Variants in IFNAR2 observed in about 807,000 individuals in gnomAD.
IFNAR2 encodes the protein interferon alpha/beta receptor 2.
In IFNAR2, 30 loss-of-function variants were observed where a neutral mutation model predicts 49.4. That is an observed-to-expected ratio of 0.61 (90% CI 0.45 to 0.82). IFNAR2 has a LOEUF of 0.82. IFNAR2 is among the 40% of genes least tolerant of loss of function. The pLI, the probability that IFNAR2 is intolerant of heterozygous loss-of-function variation, is 0.00. For missense variants in IFNAR2, 600 were observed against 622.7 expected, an observed-to-expected ratio of 0.96 and a Z score of 0.39; for synonymous variants, 224 against 234.5, an observed-to-expected ratio of 0.96 and a Z score of 0.41.
At chr21:33,248,091 A>T (rs1266231648) in intron 5 of IFNAR2, among the ~76,000 whole-genome samples, 2 of 152,362 alleles carry the variant, frequency 1.3e-5, no homozygotes, top group East Asian at 3.9e-4. Flanking sequence ...ATAAATATCC[A>T]GGTTTAGAGG....
intron 7 of IFNAR2, among the ~76,000 whole-genome samples, chr21:33,254,115 T>C (rs1453709734): frequency 6.6e-6 from 1 of 152,190 alleles, no homozygotes; most frequent in Non-Finnish European, 1.5e-5. Context: ...ACTTTAGTTG[T>C]AAACCAAAAT....
intron 1 of IFNAR2, 39 bp from the exon 2 acceptor site, chr21:33,241,801 C>A: frequency 6.8e-7 from 1 of 1,473,160 alleles, no homozygotes; most frequent in South Asian, 1.3e-5. Flanking sequence ...TTACAGGTCT[C>A]TCATTATCTT....
chr21:33,241,582 A>G (rs958091215), intron 1 of IFNAR2, among the ~76,000 whole-genome samples: 2 of 152,174 alleles, frequency 1.3e-5, no homozygotes, highest in Non-Finnish European at 2.9e-5. Flanking sequence ...ACTCTGAAGG[A>G]TTCACAAAAG....
intron 1 of IFNAR2, among the ~76,000 whole-genome samples, chr21:33,240,317 C>G (rs1986827127): frequency 6.6e-6 from 1 of 152,184 alleles, no homozygotes; most frequent in Non-Finnish European, 1.5e-5. Flanking sequence ...GTATTCAGCA[C>G]AGTACCATGC....
intron 1 of IFNAR2, among the ~76,000 whole-genome samples, chr21:33,237,139 TC>T (rs1986538603): frequency 6.8e-6 from 1 of 148,096 alleles, no homozygotes; most frequent in Non-Finnish European, 1.5e-5. Context: ...GACTGAGTGT[TC>T]CTGCAGATAT....
At position 33,259,163 on chromosome 21, in the gene IFNAR2, G is replaced by C. The variant is rs1988408249; in HGVS notation, c.710-1434G>C. ...AAAATATCTCCACAGTGAATCCAGA[G>C]ACAGACAGGTTTGTCCAAGGCCAAA... On this transcript the variant is annotated intron_variant, in intron 7 of 8. Transcript: ENST00000342136. Among the ~76,000 whole-genome samples, 3 of 152,046 alleles carry C rather than the reference G, an allele frequency of 2.0e-5. No individual in the cohort carries two copies. In the East Asian group the frequency reaches 5.8e-4, roughly 29 times the overall value.
rs3223272 is a variant in IFNAR2 at position 33,237,078 on chromosome 21, G to GATGTGTGTGTGTGTGTGT, written c.-83-4762_-83-4761insATGTGTGTGTGTGTGTGT. Among the ~76,000 whole-genome samples, 411 of 147,696 alleles carry GATGTGTGTGTGTGTGTGT rather than the reference G, an allele frequency of 2.8e-3. 2 individuals are homozygous for GATGTGTGTGTGTGTGTGT. Among genetic ancestry groups the GATGTGTGTGTGTGTGTGT allele is most frequent in the African/African-American group, 9.8e-3 (393 of 40,004 alleles). ...CCCCTGGCCCAGAGGGGGAGAATGG[G>GATGTGTGTGTGTGTGTGT]GTGTGTGTGTGTGTGTGTGTGTGTG... is the stretch of plus-strand genomic sequence containing the variant. On this transcript the variant is annotated intron_variant, in intron 1 of 8. Transcript: ENST00000342136.
intron 8 of IFNAR2, among the ~76,000 whole-genome samples, chr21:33,262,016 C>G (rs956796331): frequency 1.3e-5 from 2 of 152,190 alleles, no homozygotes; most frequent in African/African-American, 4.8e-5. Context: ...AGTCACAAAC[C>G]TTGAGCAAGT....
At chr21:33,243,547 T>G in intron 2 of IFNAR2, 126 bp from the exon 3 acceptor site, 1 of 829,374 alleles carries the variant, frequency 1.2e-6, no homozygotes, top group Non-Finnish European at 2.0e-6. Context: ...GGCATTTTTT[T>G]GGCACAAGAA....
At chr21:33,249,189 C>G (rs1249572679) in intron 6 of IFNAR2, among the ~76,000 whole-genome samples, 20 of 152,000 alleles carry the variant, frequency 1.3e-4, no homozygotes, top group Admixed American at 1.3e-3. Flanking sequence ...ACTAAAAATA[C>G]AAACATTAGC....
At chr21:33,243,383 C>T (rs1229904863) in intron 2 of IFNAR2, among the ~76,000 whole-genome samples, 2 of 152,048 alleles carry the variant, frequency 1.3e-5, no homozygotes, top group Non-Finnish European at 2.9e-5. Flanking sequence ...ACGCCCGGCC[C>T]CAGATATATT....
intron 6 of IFNAR2, chr21:33,252,086 A>ATCTATCTT (rs1555859341): frequency 1.5e-5 from 5 of 342,500 alleles, no homozygotes; most frequent in Non-Finnish European, 3.1e-5. Flanking sequence ...CCATCCATCT[A>ATCTATCTT]TCTATCTATC....
chr21:33,236,618 C>T, intron 1 of IFNAR2: 1 of 903,610 alleles, frequency 1.1e-6, no homozygotes, highest in Non-Finnish European at 1.3e-6. Flanking sequence ...AGTTGATGCC[C>T]CATGCCAACA....
At chr21:33,249,491 AC>A (rs1423677253) in intron 6 of IFNAR2, among the ~76,000 whole-genome samples, 1 of 152,160 alleles carries the variant, frequency 6.6e-6, no homozygotes, top group Non-Finnish European at 1.5e-5. Context: ...TAGCTGAGCC[AC>A]CCGTGAAAAG....
intron 1 of IFNAR2, chr21:33,236,791 T>C (rs957247742): frequency 1.0e-6 from 1 of 983,354 alleles, no homozygotes; most frequent in Non-Finnish European, 1.2e-6. Flanking sequence ...AATTTCAGGA[T>C]AGCCACAGGA....
chr21:33,236,247 G>A (rs958409063), intron 1 of IFNAR2, among the ~76,000 whole-genome samples: 1 of 152,046 alleles, frequency 6.6e-6, no homozygotes, highest in Admixed American at 6.5e-5. Flanking sequence ...AGGTCCCTGG[G>A]GCCCCTCTGC....
intron 7 of IFNAR2, among the ~76,000 whole-genome samples, chr21:33,257,152 A>C (rs948296730): frequency 6.6e-6 from 1 of 152,170 alleles, no homozygotes; most frequent in Non-Finnish European, 1.5e-5. Flanking sequence ...GCAGCCAGTC[A>C]GTTACTGGTG....
intron 6 of IFNAR2, chr21:33,252,197 G>C (rs138126549): frequency 8.5e-5 from 40 of 470,802 alleles, no homozygotes; most frequent in African/African-American, 7.4e-4. Flanking sequence ...TGTGACCTTG[G>C]AGAAGTTACT....
In IFNAR2 at chr21:33,263,177, G is replaced by A. The variant is rs1238531947; in HGVS notation, c.1225G>A (p.Glu409Lys). 1 of 1,614,232 alleles carries A rather than the reference G, an allele frequency of 6.2e-7. No homozygotes were observed. The highest frequency in any genetic ancestry group is 8.5e-7 in the Non-Finnish European group (1 of 1,180,032). Reference protein sequence around the residue: ...KSPLQDPFPEEDYSSTEGSGG... With the variant: ...KSPLQDPFPEKDYSSTEGSGG... ...TCCACTCCAGGACCCTTTTCCCGAA[G>A]AGGACTACAGCTCCACGGAGGGGTC... The change falls in exon 9 of 9, where the codon GAG becomes AAG. Residue 409 changes from glutamate (E) to lysine (K), a missense_variant. By Grantham distance (56) the Glu-to-Lys change is moderately conservative. Transcript: ENST00000342136.
Sources: gnomAD v4.1 joint callset for allele counts (sites outside exome capture counted in the v4.1 genomes callset) on GRCh38, gnomAD v4.1.1 for gene constraint, MANE v1.5 for transcripts, NCBI Gene and HGNC (gene_info 2026-07-23, HGNC 2026-07-21) for gene names.